NUP133: variants seen among roughly 807,000 people sequenced by gnomAD.
NUP133 encodes the protein nucleoporin 133.
Under a neutral mutation model 146.2 loss-of-function variants are expected in NUP133, and 66 were observed. The ratio of observed to expected loss-of-function variants is 0.45; its 90% CI spans 0.37 to 0.55. The LOEUF is 0.55. NUP133 is among the 20% of genes least tolerant of loss of function. NUP133 has a pLI of 0.00. For missense variants in NUP133, 1,277 were observed against 1,374.8 expected (o/e 0.93, Z 1.12); for synonymous variants, 521 against 498.8 (o/e 1.04, Z -0.59).
At chr1:229,502,191 C>A (rs1235739194) in intron 2 of NUP133, 89 bp from the exon 3 acceptor site, 1 of 872,106 alleles carries the variant, frequency 1.1e-6, no homozygotes. Context: ...TTGGCACACT[C>A]AGAAACGACT....
At chr1:229,477,855 A>T in intron 12 of NUP133, 95 bp from the exon 13 acceptor site, 2 of 890,836 alleles carry the variant, frequency 2.2e-6, no homozygotes, top group South Asian at 4.1e-5. Context: ...ATTCAGCCAA[A>T]AAAAAGAATG....
chr1:229,503,337 A>C (rs6681212), intron 2 of NUP133, among the ~76,000 whole-genome samples: 34,116 of 152,128 alleles, frequency 0.22, 4,065 homozygotes, highest in Middle Eastern at 0.28. Flanking sequence ...GATAAAGTAA[A>C]ACAAATAACA....
At chr1:229,505,306 T>C (rs1661905948) in intron 2 of NUP133, among the ~76,000 whole-genome samples, 1 of 152,134 alleles carries the variant, frequency 6.6e-6, no homozygotes, top group Non-Finnish European at 1.5e-5. Context: ...TCTACTTTAT[T>C]ATTACTGTTG....
intron 23 of NUP133, among the ~76,000 whole-genome samples, chr1:229,449,735 C>T (rs909260998): frequency 6.6e-6 from 1 of 150,826 alleles, no homozygotes; most frequent in African/African-American, 2.4e-5. Context: ...CTAAAATCTA[C>T]CAAATTACTT....
At chr1:229,486,706 G>A (rs566116560) in intron 10 of NUP133, among the ~76,000 whole-genome samples, 178 bp from the exon 11 acceptor site, 6 of 152,126 alleles carry the variant, frequency 3.9e-5, no homozygotes, top group African/African-American at 9.6e-5. Flanking sequence ...GCTAAGAACC[G>A]GTTGCTATCT....
At chr1:229,472,732 A>ATAT (rs1269410536) in intron 14 of NUP133, among the ~76,000 whole-genome samples, 6 of 146,800 alleles carry the variant, frequency 4.1e-5, no homozygotes, top group African/African-American at 1.0e-4. Flanking sequence ...ATATATGTAC[A>ATAT]ATCATTCTAG....
intron 25 of NUP133, among the ~76,000 whole-genome samples, chr1:229,442,714 CT>C (rs67964058): frequency 0.23 from 29,018 of 126,242 alleles, 3,205 homozygotes; most frequent in African/African-American, 0.34. Context: ...TTTTTTGGTT[CT>C]TTTTTTTTTT....
intron 9 of NUP133, 78 bp from the exon 10 acceptor site, chr1:229,487,691 T>C: frequency 1.8e-6 from 2 of 1,116,818 alleles, no homozygotes; most frequent in Non-Finnish European, 2.5e-6. Flanking sequence ...TTCATTTTTG[T>C]ACATTATTTC....
chr1:229,508,037 G>A, intron 1 of NUP133, 31 bp downstream of exon 1: 2 of 1,427,176 alleles, frequency 1.4e-6, no homozygotes, highest in Non-Finnish European at 1.8e-6. Context: ...GAGGCTGTTG[G>A]TTGCCAGACC....
intron 18 of NUP133, among the ~76,000 whole-genome samples, chr1:229,464,085 C>A (rs1320311509): frequency 6.6e-6 from 1 of 152,064 alleles, no homozygotes; most frequent in Non-Finnish European, 1.5e-5. Flanking sequence ...ATGGAGGTTG[C>A]AGTGAGCTGA....
At chr1:229,461,414 C>T (rs1412185944) in intron 19 of NUP133, among the ~76,000 whole-genome samples, 1 of 152,184 alleles carries the variant, frequency 6.6e-6, no homozygotes, top group Admixed American at 6.5e-5. Context: ...AAGCAGGGAT[C>T]CTGCCATGAA....
intron 8 of NUP133, among the ~76,000 whole-genome samples, chr1:229,490,579 T>C (rs1344695808): frequency 1.3e-5 from 2 of 152,186 alleles, no homozygotes; most frequent in Non-Finnish European, 2.9e-5. Flanking sequence ...AGGGGTCGAT[T>C]ACAGAAAGCA....
intron 13 of NUP133, 143 bp from the exon 14 acceptor site, chr1:229,475,875 C>A: frequency 1.6e-6 from 1 of 620,134 alleles, no homozygotes; most frequent in South Asian, 2.0e-5. Context: ...TTTGGGAGGT[C>A]GAGGTGGGCA....
intron 12 of NUP133, 39 bp from the exon 13 acceptor site, chr1:229,477,799 A>G: frequency 6.6e-7 from 1 of 1,509,684 alleles, no homozygotes; most frequent in Non-Finnish European, 9.0e-7. Context: ...TAAGGGAGGC[A>G]AAATATTTTC....
intron 15 of NUP133, among the ~76,000 whole-genome samples, chr1:229,467,892 T>A (rs1308284647): frequency 7.0e-6 from 1 of 143,820 alleles, no homozygotes; most frequent in African/African-American, 2.7e-5. Flanking sequence ...GTCACTGCAC[T>A]CCAGCCTGGC....
chr1:229,483,273 A>T (rs1424926796), intron 12 of NUP133, among the ~76,000 whole-genome samples: 1 of 152,038 alleles, frequency 6.6e-6, no homozygotes, highest in Non-Finnish European at 1.5e-5. Context: ...AATTATTTTT[A>T]AAATTTTTCT....
In NUP133 at chr1:229,465,465, T is replaced by C; in HGVS notation, c.2254A>G (p.Arg752Gly). Residue 752 changes from arginine (R) to glycine (G), a missense_variant, in exon 17 of 26, where the codon AGA (arginine) becomes GGA (glycine). Coordinates refer to ENST00000261396, the MANE Select transcript of NUP133 (RefSeq NM_018230.3). Reference protein sequence around the residue: ...YRQNRNSLYRREESLEKEPEY... With the variant: ...YRQNRNSLYRGEESLEKEPEY... The stretch of plus-strand genomic sequence containing the variant: ...GGTTCTTTTTCTAGTGATTCTTCTC[T>C]TCTATACAAAGAGTTTCTATTTTGG... 1 of 1,614,022 alleles carries C rather than the reference T, an allele frequency of 6.2e-7. No homozygotes were observed. Among genetic ancestry groups the C allele is most frequent in the Non-Finnish European group, 8.5e-7 (1 of 1,179,910 alleles).
At chr1:229,475,323 AG>A (rs1260513826) in intron 14 of NUP133, among the ~76,000 whole-genome samples, 1 of 152,128 alleles carries the variant, frequency 6.6e-6, no homozygotes, top group Non-Finnish European at 1.5e-5. Context: ...ACTTTCAATG[AG>A]GATTTGATTC....
chr1:229,507,145 T>C (rs1661966904), intron 1 of NUP133, among the ~76,000 whole-genome samples: 2 of 152,218 alleles, frequency 1.3e-5, no homozygotes, highest in African/African-American at 4.8e-5. Context: ...AGTATGCTTT[T>C]ATTCTCCAAC....
Sources: gnomAD v4.1 joint callset for allele counts (sites outside exome capture counted in the v4.1 genomes callset) on GRCh38, gnomAD v4.1.1 for gene constraint, MANE v1.5 for transcripts, NCBI Gene and HGNC (gene_info 2026-07-23, HGNC 2026-07-21) for gene names.